FAM228B: variants seen among roughly 807,000 people sequenced by gnomAD.
The protein encoded by FAM228B is family with sequence similarity 228 member B.
FAM228B carries 38 observed loss-of-function variants against 42.6 expected under a neutral mutation model. The ratio of observed to expected loss-of-function variants is 0.89; its 90% CI spans 0.69 to 1.17. The LOEUF (loss-of-function observed/expected upper bound fraction) is 1.17. FAM228B is among the 50% of genes most tolerant of loss of function. The probability of loss-of-function intolerance (pLI) is 0.00; values close to 1 mark genes in which losing one functional copy is unlikely to be tolerated. For missense variants in FAM228B, 344 were observed against 367.3 expected (o/e 0.94, Z 0.52); for synonymous variants, 109 against 122.3 (o/e 0.89, Z 0.72).
intron 9 of FAM228B, chr2:24,165,310 A>G (rs184964406): frequency 6.5e-6 from 3 of 462,678 alleles, no homozygotes; most frequent in Admixed American, 4.7e-5. Flanking sequence ...CCCTGGCCCT[A>G]TCCTTACAGA....
In FAM228B at chr2:24,079,506, A is replaced by G. The variant is rs773667086; in HGVS notation, c.-289-1370A>G. 42 of 1,614,060 alleles carry G rather than the reference A, an allele frequency of 2.6e-5. No individual in the cohort carries two copies. The highest frequency in any genetic ancestry group is 3.3e-5 in the Non-Finnish European group (39 of 1,180,042). On this transcript the variant is annotated intron_variant, in intron 1 of 10. Transcript: ENST00000613899. ...CTTCCTCGCTTAAAAAGTAGCTTTGAAAACAGGGGCCCATTGATGTCACCT... is the reference window on the plus strand; with the variant it reads ...CTTCCTCGCTTAAAAAGTAGCTTTGGAAACAGGGGCCCATTGATGTCACCT...
At position 24,167,691 on chromosome 2, in the gene FAM228B, T is replaced by A; in HGVS notation, c.*14+8T>A. 6.4e-7 allele frequency: 1 copy of A among 1,551,398 alleles called. No homozygotes were observed. The highest frequency in any genetic ancestry group is 8.7e-7 in the Non-Finnish European group (1 of 1,146,738). ...ATAAGAAAGAAGAGGGAGGTAGATG[T>A]CTTCTCTCTTTCCCTTCTTACTCTC... On this transcript the variant is annotated splice_region_variant and intron_variant, in intron 10 of 10. Coordinates refer to ENST00000615575, the MANE Select transcript of FAM228B (RefSeq NM_001145710.2).
At chr2:24,116,054 T>C (rs1380814137) in intron 3 of FAM228B, among the ~76,000 whole-genome samples, 1 of 152,016 alleles carries the variant, frequency 6.6e-6, no homozygotes, top group Non-Finnish European at 1.5e-5. Flanking sequence ...TACGGCCAAG[T>C]GTGGTGGCTC....
chr2:24,082,763 C>T, intron 2 of FAM228B: 3 of 1,334,730 alleles, frequency 2.2e-6, no homozygotes, highest in East Asian at 2.5e-5. Context: ...GTTTGAGGAC[C>T]TGACAATACA....
upstream of FAM228B, chr2:24,119,755 G>A (rs1402044474): frequency 7.4e-6 from 8 of 1,076,020 alleles, no homozygotes; most frequent in East Asian, 2.4e-5. Context: ...CTCCAGCTAC[G>A]TTTTTCACCA....
intron 8 of FAM228B, among the ~76,000 whole-genome samples, chr2:24,162,379 C>T (rs966247004): frequency 3.9e-5 from 6 of 152,128 alleles, no homozygotes; most frequent in Non-Finnish European, 5.9e-5. Flanking sequence ...ATCATCTCAG[C>T]TAACTAGTTT....
At chr2:24,149,448 GT>G (rs1003203087) in intron 7 of FAM228B, among the ~76,000 whole-genome samples, 2 of 151,520 alleles carry the variant, frequency 1.3e-5, no homozygotes, top group Admixed American at 6.6e-5. Context: ...ACTCATTGTA[GT>G]TTTTTTTTCT....
At position 24,169,246 on chromosome 2, in the gene FAM228B, G is replaced by A. The variant is rs575418031; in HGVS notation, c.*15-110G>A. On this transcript the variant is annotated intron_variant, in intron 10 of 10. Coordinates refer to ENST00000615575, the MANE Select transcript of FAM228B (RefSeq NM_001145710.2). The surrounding 1 kb of genome is among the most constrained non-coding windows in gnomAD (Gnocchi z 4.2). ...AGAGATGAGTCACTCGGCTCTGGCA[G>A]GACAGGCTTCAGGGGGATCAGCTCA... 11 of 369,888 alleles carry A rather than the reference G, an allele frequency of 3.0e-5. No individual in the cohort carries two copies. Among genetic ancestry groups the A allele is most frequent in the African/African-American group, 1.2e-4 (6 of 48,850 alleles). 22.9% of individuals were successfully genotyped at this position (369,888 alleles called of 1,614,324 possible).
At chr2:24,079,073 C>G (rs1327222060) in intron 1 of FAM228B, 2 of 187,588 alleles carry the variant, frequency 1.1e-5, no homozygotes, top group East Asian at 2.6e-4. Context: ...CTGTTGAAGG[C>G]CAAGGCTTAC....
intron 7 of FAM228B, among the ~76,000 whole-genome samples, chr2:24,151,184 AT>A (rs1205888828): frequency 2.0e-5 from 3 of 150,590 alleles, no homozygotes; most frequent in Admixed American, 6.6e-5. Flanking sequence ...TCACTAATAC[AT>A]TTTTCTGTTT....
chr2:24,136,669 C>T (rs562617238), intron 3 of FAM228B, among the ~76,000 whole-genome samples: 33 of 152,290 alleles, frequency 2.2e-4, no homozygotes, highest in African/African-American at 6.7e-4. Flanking sequence ...AGTGTAAATC[C>T]TCATTCTTAA....
intron 9 of FAM228B, among the ~76,000 whole-genome samples, chr2:24,167,252 G>A (rs1230594725): frequency 6.6e-6 from 1 of 152,202 alleles, no homozygotes. Flanking sequence ...CCTTGTTAGC[G>A]TGGAAGTGGG....
At chr2:24,168,492 AT>A (rs1667483297) in intron 10 of FAM228B, among the ~76,000 whole-genome samples, 2 of 152,168 alleles carry the variant, frequency 1.3e-5, no homozygotes, top group African/African-American at 4.8e-5. Flanking sequence ...CTGGGGAGAT[AT>A]AGGCCTAACT....
intron 3 of FAM228B, among the ~76,000 whole-genome samples, chr2:24,099,021 A>T (rs1319731168): frequency 6.6e-6 from 1 of 152,264 alleles, no homozygotes; most frequent in South Asian, 2.1e-4. Flanking sequence ...AAGAGAACCA[A>T]TGACAAAAAC....
chr2:24,145,810 T>G (rs142870477), intron 5 of FAM228B, among the ~76,000 whole-genome samples: 2,960 of 150,814 alleles, frequency 0.02, 102 homozygotes, highest in African/African-American at 0.069. Context: ...TGCCTTGGCC[T>G]CCCAAGTAGC....
intron 3 of FAM228B, among the ~76,000 whole-genome samples, chr2:24,136,315 C>G (rs1666586577): frequency 6.6e-6 from 1 of 151,976 alleles, no homozygotes; most frequent in African/African-American, 2.4e-5. Flanking sequence ...CAACTTCCAC[C>G]TCCCGGGTTC....
rs1037630582 is a variant in FAM228B at position 24,080,044 on chromosome 2, T to C, written c.-289-832T>C. On this transcript the variant is annotated intron_variant, in intron 1 of 10. Transcript: ENST00000613899. The surrounding 1 kb of genome is among the most constrained non-coding windows in gnomAD (Gnocchi z 4.7). ...CATAGGCTTTCTAGCTTTGGTTTCA[T>C]CTCTCCTTTTCTACTCACATAAAAA... Among the ~76,000 whole-genome samples, 7 of 152,080 alleles carry C rather than the reference T, an allele frequency of 4.6e-5. No individual in the cohort carries two copies. Among genetic ancestry groups the C allele is most frequent in the Non-Finnish European group, 1.0e-4 (7 of 67,994 alleles).
chr2:24,125,312 A>G (rs1666280763), intron 2 of FAM228B, among the ~76,000 whole-genome samples: 1 of 152,160 alleles, frequency 6.6e-6, no homozygotes, highest in Non-Finnish European at 1.5e-5. Flanking sequence ...GACCCCAGGA[A>G]TTTGAGGCTG....
chr2:24,079,312 C>T lies in FAM228B; in HGVS notation c.-289-1564C>T, dbSNP rs1206977175. 5.3e-6 allele frequency: 5 copies of T among 944,418 alleles called. No homozygotes were observed. In the East Asian group the frequency reaches 1.0e-4, roughly 19 times the overall value. 58.5% of individuals were successfully genotyped at this position (944,418 alleles called of 1,614,324 possible). On this transcript the variant is annotated intron_variant, in intron 1 of 10. Transcript: ENST00000613899. ...CTCTGAAATCGGGTTCCCTCTTTAT[C>T]TTCAGAGGGGGAGGTTTCTTCATAG...
Sources: gnomAD v4.1 joint callset for allele counts (sites outside exome capture counted in the v4.1 genomes callset) on GRCh38, gnomAD v4.1.1 for gene constraint, Gnocchi (gnomAD v3.1) non-coding constraint, MANE v1.5 for transcripts, NCBI Gene and HGNC (gene_info 2026-07-23, HGNC 2026-07-21) for gene names.